The following CNTNAP2 variants were observed in gnomAD, a reference collection of about 807,000 sequenced individuals.
The protein encoded by CNTNAP2 is contactin-associated protein-like 2.
In CNTNAP2, 98 loss-of-function variants were observed where a neutral mutation model predicts 155.2. That is an observed-to-expected ratio of 0.63 (90% confidence interval 0.54 to 0.75). CNTNAP2 has a LOEUF of 0.75. Among genes scored for constraint, CNTNAP2 ranks in the 30% least tolerant of loss-of-function variants. The pLI, the probability that CNTNAP2 is intolerant of heterozygous loss-of-function variation, is 0.00. For synonymous variants in CNTNAP2, 651 were observed against 631.2 expected (o/e 1.03, Z -0.47); for missense variants, 1,727 against 1,688.1 (o/e 1.02, Z -0.40).
intron 1 of CNTNAP2, among the ~76,000 whole-genome samples, chr7:146,643,046 A>C (rs1799740405): frequency 7.0e-6 from 1 of 143,692 alleles, no homozygotes; most frequent in South Asian, 2.4e-4. Flanking sequence ...TTCATTGTAG[A>C]TTCTGGATAT....
At position 147,477,500 on chromosome 7, in the gene CNTNAP2, G is replaced by A. The variant is rs111921521; in HGVS notation, c.1671-8435G>A. Among the ~76,000 whole-genome samples the A allele has an allele frequency of 2.2e-3, 336 of 151,814 alleles. 2 individuals are homozygous for A. The highest frequency in any genetic ancestry group is 7.8e-3 in the African/African-American group (322 of 41,218). ...TTAAAATAGCTGTTGAGTTTATTTT[G>A]CCTTTAGTTTTTCCCTTTCCTGTCT... On this transcript the variant is annotated intron_variant, in intron 10 of 23. Coordinates refer to ENST00000361727, the MANE Select transcript of CNTNAP2 (RefSeq NM_014141.6).
intron 1 of CNTNAP2, among the ~76,000 whole-genome samples, chr7:146,303,109 C>T (rs1020619418): frequency 7.0e-5 from 10 of 143,638 alleles, no homozygotes; most frequent in South Asian, 2.2e-4. Flanking sequence ...TGTGTGTGTG[C>T]GCATGCATAC....
chr7:146,288,115 C>T (rs1242496644), intron 1 of CNTNAP2, among the ~76,000 whole-genome samples: 3 of 151,694 alleles, frequency 2.0e-5, no homozygotes, highest in African/African-American at 4.8e-5. Flanking sequence ...GCCTGGGCAA[C>T]ATAGGGACCC....
chr7:146,553,691 A>G lies in CNTNAP2; in HGVS notation c.98-220580A>G, dbSNP rs534770401. ...CAATGTAGGATATTATACAAAGATT[A>G]CTATGCAAATATATTTTTAAAAGTT... is the stretch of plus-strand genomic sequence containing the variant. On this transcript the variant is annotated intron_variant, in intron 1 of 23. Coordinates refer to ENST00000361727, the MANE Select transcript of CNTNAP2 (RefSeq NM_014141.6). Among the ~76,000 whole-genome samples the G allele has an allele frequency of 1.3e-4, 20 of 152,324 alleles. No individual in the cohort carries two copies. The South Asian group carries it at 3.3e-3, about 25-fold the overall frequency.
chr7:146,653,728 G>A (rs1450605294), intron 1 of CNTNAP2, among the ~76,000 whole-genome samples: 1 of 152,136 alleles, frequency 6.6e-6, no homozygotes, highest in African/African-American at 2.4e-5. Context: ...AGTATTGGAT[G>A]TTATCTTGGA....
At chr7:146,622,223 GTA>G (rs765205021) in intron 1 of CNTNAP2, among the ~76,000 whole-genome samples, 21 of 147,020 alleles carry the variant, frequency 1.4e-4, no homozygotes, top group South Asian at 2.1e-4. Flanking sequence ...ACGTGTGTGT[GTA>G]TATATATATG....
At chr7:146,818,120 C>G (rs1192257480) in intron 2 of CNTNAP2, among the ~76,000 whole-genome samples, 1 of 151,868 alleles carries the variant, frequency 6.6e-6, no homozygotes, top group African/African-American at 2.4e-5. Context: ...AATTTTCTTT[C>G]TTTTCTATTA....
At chr7:146,455,236 A>G (rs1407295373) in intron 1 of CNTNAP2, among the ~76,000 whole-genome samples, 1 of 152,220 alleles carries the variant, frequency 6.6e-6, no homozygotes, top group East Asian at 1.9e-4. Context: ...ATCTCTCTAT[A>G]AGGACATACA....
At chr7:147,718,602 G>T (rs2117024658) in intron 13 of CNTNAP2, among the ~76,000 whole-genome samples, 1 of 152,050 alleles carries the variant, frequency 6.6e-6, no homozygotes, top group African/African-American at 2.4e-5. Flanking sequence ...GATCATTTTT[G>T]GTAAGACCTG....
chr7:147,994,537 C>T (rs917254488), intron 15 of CNTNAP2, among the ~76,000 whole-genome samples: 4 of 152,140 alleles, frequency 2.6e-5, no homozygotes, highest in Non-Finnish European at 4.4e-5. Context: ...GGGGACAGGT[C>T]TTTCCAGCAC....
At chr7:147,017,340 T>C (rs1295728850) in intron 3 of CNTNAP2, among the ~76,000 whole-genome samples, 2 of 143,628 alleles carry the variant, frequency 1.4e-5, no homozygotes, top group East Asian at 4.1e-4. Context: ...ATGTAATTTG[T>C]TATAACATGC....
At chr7:146,509,314 C>T (rs1355488796) in intron 1 of CNTNAP2, among the ~76,000 whole-genome samples, 2 of 152,178 alleles carry the variant, frequency 1.3e-5, no homozygotes, top group Non-Finnish European at 2.9e-5. Context: ...TGCTCACCTG[C>T]AATTGCTGAT....
intron 20 of CNTNAP2, among the ~76,000 whole-genome samples, chr7:148,261,183 G>C (rs377177591): frequency 1.3e-5 from 1 of 79,728 alleles, no homozygotes; most frequent in East Asian, 6.1e-4. Context: ...TTTTCTTTGA[G>C]ATGGAGTCTC....
intron 5 of CNTNAP2, among the ~76,000 whole-genome samples, chr7:147,112,398 C>G (rs1174275508): frequency 6.6e-6 from 1 of 152,098 alleles, no homozygotes; most frequent in Non-Finnish European, 1.5e-5. Flanking sequence ...CCAGGATAGC[C>G]AATACTGTGT....
chr7:147,095,493 G>T (rs1019802039), intron 4 of CNTNAP2, among the ~76,000 whole-genome samples: 3 of 151,068 alleles, frequency 2.0e-5, no homozygotes, highest in Non-Finnish European at 4.4e-5. Context: ...GAACATAGCA[G>T]TTAATAAAAT....
intron 1 of CNTNAP2, among the ~76,000 whole-genome samples, chr7:146,710,154 G>T (rs1198662770): frequency 6.6e-6 from 1 of 152,108 alleles, no homozygotes; most frequent in East Asian, 1.9e-4. Flanking sequence ...AGTAAGAGAT[G>T]AATGAAACAT....
chr7:146,574,585 T>C (rs1798494470), intron 1 of CNTNAP2, among the ~76,000 whole-genome samples: 1 of 151,918 alleles, frequency 6.6e-6, no homozygotes, highest in African/African-American at 2.4e-5. Context: ...CCTGTAGTCC[T>C]AGCTACTCGG....
intron 3 of CNTNAP2, chr7:146,963,069 G>A (rs576088605): frequency 6.6e-6 from 1 of 152,320 alleles, no homozygotes; most frequent in East Asian, 1.9e-4. Context: ...GTGTGGGACA[G>A]AGCCAGGACT....
intron 13 of CNTNAP2, among the ~76,000 whole-genome samples, chr7:147,819,028 C>G (rs1163420407): frequency 6.6e-6 from 1 of 152,148 alleles, no homozygotes; most frequent in African/African-American, 2.4e-5. Flanking sequence ...GCATTTCTCA[C>G]TCTGTTCTAC....
Sources: gnomAD v4.1 joint callset for allele counts (sites outside exome capture counted in the v4.1 genomes callset) on GRCh38, gnomAD v4.1.1 for gene constraint, MANE v1.5 for transcripts, NCBI Gene and HGNC (gene_info 2026-07-23, HGNC 2026-07-21) for gene names.